The following ABCB9 variants were observed in gnomAD, a reference collection of about 807,000 sequenced individuals.
The protein encoded by ABCB9 is ATP binding cassette subfamily B member 9, also known as ABC-type oligopeptide transporter ABCB9.
A neutral mutation model predicts 62.0 loss-of-function variants in ABCB9; 36 were observed. The ratio of observed to expected loss-of-function variants is 0.58; its 90% CI spans 0.45 to 0.77. The LOEUF is 0.77. Among genes scored for constraint, ABCB9 ranks in the 30% least tolerant of loss-of-function variants. The probability of loss-of-function intolerance (pLI) is 0.00; values close to 1 mark genes in which losing one functional copy is unlikely to be tolerated. For synonymous variants in ABCB9, 435 were observed against 461.4 expected, an observed-to-expected ratio of 0.94 and a Z score of 0.73; for missense variants, 943 against 1,054.7, an observed-to-expected ratio of 0.89 and a Z score of 1.47.
chr12:122,975,012 G>A (rs1439703849), exon 1 of ABCB9: 5 of 408,072 alleles, frequency 1.2e-5, no homozygotes, highest in Non-Finnish European at 1.8e-5. Flanking sequence ...CTGTAAAGTG[G>A]AGCCATTAGT....
At chr12:122,936,558 G>T in intron 9 of ABCB9, among the ~76,000 whole-genome samples, 1 of 152,126 alleles carries the variant, frequency 6.6e-6, no homozygotes, top group Non-Finnish European at 1.5e-5. Flanking sequence ...TTGAGCCCAG[G>T]AGTTTGAGAT....
At chr12:122,950,024 C>CTGGAGTGGGGCTG in intron 3 of ABCB9, 106 bp from the exon 4 acceptor site, 2 of 1,489,510 alleles carry the variant, frequency 1.3e-6, no homozygotes, top group Non-Finnish European at 1.8e-6. Context: ...CACCGCAGCC[C>CTGGAGTGGGGCTG]CACTCCAGGG....
At chr12:122,970,571 T>C (rs2037258689), upstream of ABCB9, among the ~76,000 whole-genome samples, 1 of 152,138 alleles carries the variant, frequency 6.6e-6, no homozygotes, top group Admixed American at 6.6e-5. Context: ...CTATTGAATG[T>C]TTCCAACACG....
chr12:122,971,944 G>A lies in ABCB9; in HGVS notation c.-88+2771C>T, dbSNP rs1379612467. Among the ~76,000 whole-genome samples, 5 of 151,256 alleles carry A rather than the reference G, an allele frequency of 3.3e-5. No homozygotes were observed. The East Asian group carries it at 9.7e-4, about 29-fold the overall frequency. On this transcript the variant is annotated intron_variant, in intron 1 of 11. Transcript: ENST00000392439. Reference sequence around the variant, plus strand: ...AGCCTAAAACTGATCTTAAAAAAAAGGAAATCTATTAAAAGTGGTTAAAAT... The same window carrying A: ...AGCCTAAAACTGATCTTAAAAAAAAAGAAATCTATTAAAAGTGGTTAAAAT...
intron 10 of ABCB9, among the ~76,000 whole-genome samples, chr12:122,933,784 G>A (rs1459273168): frequency 6.6e-6 from 1 of 152,040 alleles, no homozygotes; most frequent in Non-Finnish European, 1.5e-5. Flanking sequence ...AAAATAGTTT[G>A]TATTTAATGG....
chr12:122,961,375 T>C (rs374498650), intron 1 of ABCB9, among the ~76,000 whole-genome samples: 60 of 152,142 alleles, frequency 3.9e-4, no homozygotes, highest in Middle Eastern at 6.8e-3. Flanking sequence ...TTTTTTTTAG[T>C]AGAGACGGGG....
chr12:122,957,635 G>A (rs989716040), intron 2 of ABCB9, among the ~76,000 whole-genome samples: 14 of 149,946 alleles, frequency 9.3e-5, no homozygotes, highest in African/African-American at 3.4e-4. Flanking sequence ...ACACCTGCAC[G>A]TAGGCACACA....
At chr12:122,954,647 C>T (rs2036537674) in intron 2 of ABCB9, among the ~76,000 whole-genome samples, 1 of 152,182 alleles carries the variant, frequency 6.6e-6, no homozygotes, top group Non-Finnish European at 1.5e-5. Context: ...CGTGTGCCAC[C>T]ACGCCCGGCT....
intron 7 of ABCB9, among the ~76,000 whole-genome samples, chr12:122,943,416 G>A (rs1223513237): frequency 6.6e-6 from 1 of 152,252 alleles, no homozygotes; most frequent in East Asian, 1.9e-4. Context: ...TTGCATTTCC[G>A]AGGCACTACG....
downstream of ABCB9, among the ~76,000 whole-genome samples, chr12:122,924,986 A>C (rs55939945): frequency 2.0e-5 from 3 of 152,096 alleles, no homozygotes. Context: ...GCATGATACC[A>C]GCTCACCACA....
chr12:122,929,149 C>T lies in ABCB9; in HGVS notation c.*762G>A. The stretch of plus-strand genomic sequence containing the variant: ...CACGTGGCCTCCAGACAGCAGAGCA[C>T]AGGGGCGGGTGTGGGGAGGGAGGCT... On this transcript the variant is annotated 3_prime_UTR_variant, in exon 12 of 12. Transcript: ENST00000280560. The surrounding 1 kb of genome is among the most constrained non-coding windows in gnomAD (Gnocchi z 6.0). The T allele has an allele frequency of 1.0e-6, 1 of 983,456 alleles. No homozygotes were observed. Among genetic ancestry groups the T allele is most frequent in the Non-Finnish European group, 1.2e-6 (1 of 829,674 alleles). The allele number at this position is 983,456 out of a possible 1,614,324, so 60.9% of individuals were successfully genotyped here.
At chr12:122,920,000 G>A (rs556771827), downstream of ABCB9, among the ~76,000 whole-genome samples, 1 of 151,798 alleles carries the variant, frequency 6.6e-6, no homozygotes, top group African/African-American at 2.4e-5. Context: ...TCTGCCTCCC[G>A]GGTTCAAGTG....
upstream of ABCB9, chr12:122,966,479 A>G (rs2037182965): frequency 6.6e-6 from 1 of 151,106 alleles, no homozygotes; most frequent in African/African-American, 2.4e-5. Flanking sequence ...GCGTTGAGAC[A>G]GGCTGATGGA....
downstream of ABCB9, among the ~76,000 whole-genome samples, chr12:122,920,382 A>T (rs2034718496): frequency 1.3e-5 from 2 of 150,244 alleles, no homozygotes. Context: ...AAAAAAAGGC[A>T]AAGGTGGAAA....
At chr12:122,963,143 C>A (rs192538916) in intron 1 of ABCB9, among the ~76,000 whole-genome samples, 45 of 152,202 alleles carry the variant, frequency 3.0e-4, no homozygotes, top group African/African-American at 1.1e-3. Context: ...ACTAAAAATA[C>A]AAAAATTAGC....
intron 3 of ABCB9, 117 bp downstream of exon 3, chr12:122,950,334 A>G: frequency 1.0e-6 from 1 of 996,596 alleles, no homozygotes. Flanking sequence ...GGACAGGCCC[A>G]CCAGGGGCAT....
Position 122,929,798 on chromosome 12 carries a change from C to G in ABCB9, c.*113G>C. On this transcript the variant is annotated 3_prime_UTR_variant, in exon 12 of 12. Transcript: ENST00000280560. The surrounding 1 kb of genome is among the most constrained non-coding windows in gnomAD (Gnocchi z 6.0). ...CGGTGATCCATGGGACATGGCAGGTCGTCTTTCAGTGCTGCAGGCCTGGGC... is the reference window on the plus strand; with the variant it reads ...CGGTGATCCATGGGACATGGCAGGTGGTCTTTCAGTGCTGCAGGCCTGGGC... The G allele has an allele frequency of 1.4e-6, 2 of 1,428,404 alleles. No individual in the cohort carries two copies. Among genetic ancestry groups the G allele is most frequent in the Non-Finnish European group, 1.8e-6 (2 of 1,093,082 alleles). The allele number at this position is 1,428,404 out of a possible 1,614,324, so 88.5% of individuals were successfully genotyped here. A position where few individuals can be genotyped will look rare whatever the true frequency, so the allele number is the denominator to read the frequency against.
chr12:122,944,259 G>C lies in ABCB9; in HGVS notation c.1380+132C>G. The C allele has an allele frequency of 1.5e-6, 2 of 1,328,666 alleles. No individual in the cohort carries two copies. Among genetic ancestry groups the C allele is most frequent in the African/African-American group, 2.9e-5 (2 of 68,208 alleles). The allele number at this position is 1,328,666 out of a possible 1,614,324, so 82.3% of individuals were successfully genotyped here. A position where few individuals can be genotyped will look rare whatever the true frequency, so the allele number is the denominator to read the frequency against. On this transcript the variant is annotated intron_variant, in intron 7 of 11. Coordinates refer to ENST00000280560, the MANE Select transcript of ABCB9 (RefSeq NM_019625.4). This position sits in a 1 kb window ranked among gnomAD's most constrained non-coding sequence, Gnocchi z 4.9. ...TTATCATTCTTGATATGATCATGCT[G>C]TCTCCCCTACTTACCTTAGAGAGAA...
At chr12:122,939,886 A>C in intron 9 of ABCB9, 1 of 580,094 alleles carries the variant, frequency 1.7e-6, no homozygotes, top group Non-Finnish European at 2.9e-6. Context: ...GGCTGGCCTC[A>C]AGGGATCCTC....
Sources: allele counts gnomAD v4.1 joint callset (sites outside exome capture counted in the v4.1 genomes callset), GRCh38; gene constraint gnomAD v4.1.1; non-coding constraint Gnocchi (gnomAD v3.1); transcripts MANE v1.5; gene names NCBI Gene and HGNC (gene_info 2026-07-23, HGNC 2026-07-21).